The following MEIKIN variants were observed in gnomAD, a reference collection of about 807,000 sequenced individuals.
The protein encoded by MEIKIN is meiosis-specific kinetochore protein.
chr5:131,847,376 C>A (rs560761913), intron 11 of MEIKIN, among the ~76,000 whole-genome samples: 2 of 151,956 alleles, frequency 1.3e-5, no homozygotes, highest in South Asian at 4.2e-4. Context: ...TAAATAGTAA[C>A]AAAAGAGAGC....
intron 9 of MEIKIN, among the ~76,000 whole-genome samples, chr5:131,864,080 G>T (rs1750336937): frequency 6.6e-6 from 1 of 151,992 alleles, no homozygotes; most frequent in African/African-American, 2.4e-5. Context: ...TTTCTTGTAG[G>T]CAGCATATAG....
chr5:131,865,504 C>A (rs6888477), intron 9 of MEIKIN, among the ~76,000 whole-genome samples: 87,586 of 152,170 alleles, frequency 0.58, 29,673 homozygotes, highest in Non-Finnish European at 0.76. Context: ...CAGGCATGAG[C>A]CACTGCACCC....
Position 131,864,607 on chromosome 5 carries a change from T to C in MEIKIN, c.775-9773A>G, listed in dbSNP as rs146296573. Reference sequence around the variant, plus strand: ...AGAGTCTGCTGTTAGTCTAATGGGGTTTCCTTTATGACTAGATACTTTTCT... The same window carrying C: ...AGAGTCTGCTGTTAGTCTAATGGGGCTTCCTTTATGACTAGATACTTTTCT... On this transcript the variant is annotated intron_variant, in intron 9 of 12. Transcript: ENST00000442687. 2.9e-4 allele frequency among the ~76,000 whole-genome samples: 44 copies of C among 152,268 alleles called. No individual in the cohort carries two copies. The South Asian group carries it at 5.0e-3, about 17-fold the overall frequency.
At chr5:131,933,140 C>T (rs368175408) in intron 5 of MEIKIN, among the ~76,000 whole-genome samples, 3 of 151,948 alleles carry the variant, frequency 2.0e-5, no homozygotes, top group East Asian at 1.9e-4. Context: ...GGAGAAAATT[C>T]AAGCAGGGAC....
intron 8 of MEIKIN, among the ~76,000 whole-genome samples, chr5:131,881,959 A>C (rs1400491075): frequency 6.6e-6 from 1 of 152,168 alleles, no homozygotes; most frequent in Non-Finnish European, 1.5e-5. Context: ...TATGTCCAAA[A>C]AAATTATCTT....
rs139609057 is a variant in MEIKIN at position 131,928,611 on chromosome 5, G to A, written c.478+4902C>T. On this transcript the variant is annotated intron_variant, in intron 5 of 12. Coordinates refer to ENST00000442687, the MANE Select transcript of MEIKIN (RefSeq NM_001303622.2). ...TTAACATCTTCAGTTAGTTTTTAAC[G>A]TTTTTATCTTTTAACTCGTATACCA... is the stretch of plus-strand genomic sequence containing the variant. Among the ~76,000 whole-genome samples the A allele has an allele frequency of 6.6e-5, 10 of 151,984 alleles. No homozygotes were observed. The East Asian group carries it at 1.9e-3, about 29-fold the overall frequency.
chr5:131,865,566 C>T (rs1303935359), intron 9 of MEIKIN, among the ~76,000 whole-genome samples: 1 of 152,168 alleles, frequency 6.6e-6, no homozygotes, highest in Non-Finnish European at 1.5e-5. Flanking sequence ...TTATTGTGTA[C>T]CTTTGCAGGT....
intron 8 of MEIKIN, among the ~76,000 whole-genome samples, chr5:131,891,048 G>A (rs1314830998): frequency 6.6e-6 from 1 of 152,194 alleles, no homozygotes; most frequent in African/African-American, 2.4e-5. Context: ...TCTTAACCCT[G>A]AGTTCTAGTT....
chr5:131,839,854 G>A (rs569429435), intron 11 of MEIKIN, among the ~76,000 whole-genome samples: 1 of 152,226 alleles, frequency 6.6e-6, no homozygotes, highest in South Asian at 2.1e-4. Flanking sequence ...TTAAATTCAA[G>A]GTTCATATTG....
chr5:131,808,724 T>C (rs892083552), intron 12 of MEIKIN, among the ~76,000 whole-genome samples: 2 of 152,220 alleles, frequency 1.3e-5, no homozygotes, highest in African/African-American at 2.4e-5. Context: ...TTTTTGTTTC[T>C]AGGGTCATTT....
At chr5:131,863,712 T>G (rs1429740646) in intron 9 of MEIKIN, among the ~76,000 whole-genome samples, 3 of 152,140 alleles carry the variant, frequency 2.0e-5, no homozygotes, top group Non-Finnish European at 4.4e-5. Flanking sequence ...AAATCTCATC[T>G]TGTAGCTTCC....
At chr5:131,884,586 T>C (rs543826240) in intron 8 of MEIKIN, among the ~76,000 whole-genome samples, 87 of 151,512 alleles carry the variant, frequency 5.7e-4, no homozygotes, top group Admixed American at 2.5e-3. Flanking sequence ...TGGCTGCAAG[T>C]GACACTCAGC....
chr5:131,928,165 C>A (rs1751623872), intron 5 of MEIKIN, among the ~76,000 whole-genome samples: 2 of 144,212 alleles, frequency 1.4e-5, no homozygotes, highest in Admixed American at 1.4e-4. Flanking sequence ...AAAAAAAAAT[C>A]TAAAGAGGGT....
chr5:131,901,200 C>T (rs1377602464), intron 8 of MEIKIN, among the ~76,000 whole-genome samples: 1 of 152,140 alleles, frequency 6.6e-6, no homozygotes, highest in African/African-American at 2.4e-5. Flanking sequence ...CAGTCCCACA[C>T]CTACCAATGC....
intron 6 of MEIKIN, among the ~76,000 whole-genome samples, chr5:131,921,474 A>G (rs1655288332): frequency 1.3e-5 from 2 of 152,180 alleles, no homozygotes; most frequent in Admixed American, 1.3e-4. Flanking sequence ...CCTGGCCAAC[A>G]TAGTGAAACC....
At chr5:131,875,659 G>A (rs994312507) in intron 9 of MEIKIN, among the ~76,000 whole-genome samples, 3 of 152,014 alleles carry the variant, frequency 2.0e-5, no homozygotes, top group African/African-American at 4.8e-5. Context: ...AAGTTCATAC[G>A]GAACCAAAAA....
At chr5:131,825,500 T>A (rs1449557187) in intron 11 of MEIKIN, among the ~76,000 whole-genome samples, 1 of 152,164 alleles carries the variant, frequency 6.6e-6, no homozygotes, top group Non-Finnish European at 1.5e-5. Flanking sequence ...AATTCTCCCA[T>A]GTGCAAAGCG....
intron 8 of MEIKIN, among the ~76,000 whole-genome samples, chr5:131,891,262 T>TCG (rs1227328379): frequency 6.6e-6 from 1 of 152,216 alleles, no homozygotes; most frequent in African/African-American, 2.4e-5. Context: ...GTTCAATTCC[T>TCG]GTATGTCCTT....
At chr5:131,914,363 AAC>A (rs1399723673) in intron 7 of MEIKIN, among the ~76,000 whole-genome samples, 1 of 146,842 alleles carries the variant, frequency 6.8e-6, no homozygotes, top group Non-Finnish European at 1.5e-5. Flanking sequence ...CAGCCTGGGC[AAC>A]AGAGTAAGAC....
Sources: allele counts gnomAD v4.1 joint callset (sites outside exome capture counted in the v4.1 genomes callset), GRCh38; gene constraint gnomAD v4.1.1; transcripts MANE v1.5; gene names NCBI Gene and HGNC (gene_info 2026-07-23, HGNC 2026-07-21).